Variants in ARHGEF7 observed in about 807,000 individuals in gnomAD.
ARHGEF7 encodes Rho guanine nucleotide exchange factor 7.
In ARHGEF7, 33 loss-of-function variants were observed where a neutral mutation model predicts 109.8. The observed-to-expected ratio is 0.30, with a 90% CI of 0.23 to 0.40. The LOEUF is 0.40. Ranked by LOEUF, ARHGEF7 falls within the 10% of genes least tolerant of loss-of-function variation. The probability of loss-of-function intolerance (pLI) is 1.00; values close to 1 mark genes in which losing one functional copy is unlikely to be tolerated. For missense variants in ARHGEF7, 938 were observed against 1,098.5 expected, an observed-to-expected ratio of 0.85 and a Z score of 2.07; for synonymous variants, 458 against 424.6, an observed-to-expected ratio of 1.08 and a Z score of -0.97.
chr13:111,297,095 T>C (rs771542175), intron 19 of ARHGEF7, among the ~76,000 whole-genome samples: 3 of 152,258 alleles, frequency 2.0e-5, no homozygotes, highest in Non-Finnish European at 4.4e-5. Flanking sequence ...TTAAATCTGC[T>C]TTCTAAAACA....
rs566931503 is a variant in ARHGEF7 at position 111,289,612 on chromosome 13, G to C, written c.2134+1169G>C. Among the ~76,000 whole-genome samples, 17 of 152,080 alleles carry C rather than the reference G, an allele frequency of 1.1e-4. 1 individual carries two copies. The South Asian group carries it at 2.5e-3, about 22-fold the overall frequency. On this transcript the variant is annotated intron_variant, in intron 18 of 21. Coordinates refer to ENST00000646102, the MANE Select transcript of ARHGEF7 (RefSeq NM_001354046.2). ...GACTGTCACTTAATCTCACTTGCTC[G>C]TTTTGTTAATCACCTGCAGTGTGGT... is the stretch of plus-strand genomic sequence containing the variant.
chr13:111,216,818 T>C (rs1013817109), intron 4 of ARHGEF7, among the ~76,000 whole-genome samples: 21 of 152,202 alleles, frequency 1.4e-4, no homozygotes, highest in Admixed American at 9.8e-4. Context: ...GGCTGTGCGC[T>C]TTGGTAGTTC....
intron 2 of ARHGEF7, among the ~76,000 whole-genome samples, chr13:111,201,019 G>T (rs543879704): frequency 9.9e-5 from 15 of 152,028 alleles, no homozygotes; most frequent in Non-Finnish European, 2.2e-4. Context: ...ATGAAGTTCG[G>T]CCTTCAATTA....
At chr13:111,251,783 C>T (rs1004161288) in intron 8 of ARHGEF7, among the ~76,000 whole-genome samples, 4 of 152,202 alleles carry the variant, frequency 2.6e-5, no homozygotes, top group African/African-American at 9.6e-5. Context: ...CTTTCACATA[C>T]ACTCATGCCT....
At chr13:111,291,952 A>G (rs910141289) in intron 18 of ARHGEF7, among the ~76,000 whole-genome samples, 166 bp from the exon 19 acceptor site, 4 of 152,244 alleles carry the variant, frequency 2.6e-5, no homozygotes, top group African/African-American at 9.6e-5. Context: ...ACCCAGCCGT[A>G]TATAAGGAAA....
At chr13:111,190,084 G>C (rs1322081233) in intron 2 of ARHGEF7, among the ~76,000 whole-genome samples, 1 of 152,156 alleles carries the variant, frequency 6.6e-6, no homozygotes, top group African/African-American at 2.4e-5. Context: ...CTAGTGAAAG[G>C]GCCAGTGGGT....
Position 111,283,151 on chromosome 13 carries a change from C to G in ARHGEF7, c.1738C>G (p.Pro580Ala), listed in dbSNP as rs1365991702. 1.9e-6 allele frequency: 3 copies of G among 1,588,594 alleles called. No individual in the cohort carries two copies. In the Admixed American group the frequency reaches 5.4e-5, roughly 28 times the overall value. The change falls in exon 16 of 22, where the codon CCG becomes GCG. Residue 580 changes from proline (P) to alanine (A), a missense_variant. Transcript: ENST00000646102. ...SVPSHTLPSH[P>A]VTPSSKHADS... ...GTGCCCTTGGCAGCTCCCCTCCCAC[C>G]CGGTCACTCCGTCCAGCAAGCACGC... is the stretch of plus-strand genomic sequence containing the variant.
Position 111,266,831 on chromosome 13 carries a change from C to T in ARHGEF7, c.951-717C>T, listed in dbSNP as rs755207556. The T allele has an allele frequency of 2.6e-5, 12 of 455,914 alleles. No individual in the cohort carries two copies. The highest frequency in any genetic ancestry group is 1.1e-4 in the South Asian group (7 of 64,554). The allele number at this position is 455,914 out of a possible 1,614,324, so 28.2% of individuals were successfully genotyped here. ...ACGTGGTTCTCCTGTTTTCAGCACA[C>T]GTGCCCCTGCTCCGGGTTGTTGCTG... On this transcript the variant is annotated intron_variant, in intron 8 of 21. Transcript: ENST00000646102. The surrounding 1 kb of genome is among the most constrained non-coding windows in gnomAD (Gnocchi z 4.8).
intron 4 of ARHGEF7, among the ~76,000 whole-genome samples, chr13:111,216,312 G>A (rs1460762156): frequency 6.6e-6 from 1 of 152,108 alleles, no homozygotes; most frequent in Non-Finnish European, 1.5e-5. Flanking sequence ...GTGGTAGAGC[G>A]GGGGCTGTAT....
At chr13:111,177,958 T>C (rs1395755223) in intron 2 of ARHGEF7, among the ~76,000 whole-genome samples, 1 of 152,200 alleles carries the variant, frequency 6.6e-6, no homozygotes, top group African/African-American at 2.4e-5. Context: ...CCGAGAACCC[T>C]GGAATAGCTC....
rs2091649453 is a variant in ARHGEF7, at chr13:111,266,470, GT to G, written c.951-1074del. Among the ~76,000 whole-genome samples, 1 of 152,000 alleles carries G rather than the reference GT, an allele frequency of 6.6e-6. No homozygotes were observed. Among genetic ancestry groups the G allele is most frequent in the South Asian group, 2.1e-4 (1 of 4,822 alleles). ...TGATTGACTTCTGCTTATATTTTTG[GT>G]TTTCTGTATCATGAACTTTTATTCT... is the stretch of plus-strand genomic sequence containing the variant. On this transcript the variant is annotated intron_variant, in intron 8 of 21. Transcript: ENST00000646102. This position sits in a 1 kb window ranked among gnomAD's most constrained non-coding sequence, Gnocchi z 4.8.
At chr13:111,149,250 A>G (rs1297695758) in intron 1 of ARHGEF7, among the ~76,000 whole-genome samples, 2 of 152,136 alleles carry the variant, frequency 1.3e-5, no homozygotes, top group African/African-American at 4.8e-5. Context: ...ATCTCTGAAA[A>G]AAAAAAAGAA....
At chr13:111,267,428 G>T in intron 8 of ARHGEF7, 120 bp from the exon 9 acceptor site, 1 of 1,361,640 alleles carries the variant, frequency 7.3e-7, no homozygotes, top group South Asian at 1.3e-5. Context: ...GGGGCCTCTG[G>T]TTTTCACAGA....
intron 1 of ARHGEF7, among the ~76,000 whole-genome samples, chr13:111,117,232 T>C (rs148116642): frequency 2.6e-4 from 39 of 152,382 alleles, no homozygotes; most frequent in African/African-American, 8.7e-4. Context: ...TTTGGCATAT[T>C]AACTGTATTA....
chr13:111,221,551 CTATA>C (rs1312286681), intron 5 of ARHGEF7, among the ~76,000 whole-genome samples: 9 of 58,720 alleles, frequency 1.5e-4, no homozygotes, highest in Non-Finnish European at 2.8e-4. Context: ...AGATACATAT[CTATA>C]TATCTATATA....
At chr13:111,155,847 G>C (rs2076276376) in intron 2 of ARHGEF7, among the ~76,000 whole-genome samples, 4 of 152,096 alleles carry the variant, frequency 2.6e-5, no homozygotes, top group Admixed American at 2.0e-4. Flanking sequence ...AGGCCGAGGC[G>C]GGTGGATCAC....
In ARHGEF7 at chr13:111,141,352, C is replaced by A. The variant is rs1027891327; in HGVS notation, c.166-12553C>A. On this transcript the variant is annotated intron_variant, in intron 1 of 21. Transcript: ENST00000646102. ...TGGCAACTGTTGATCTTTTTACCGT[C>A]CCCATGTTTTTTTTTTTTAAATTAC... Among the ~76,000 whole-genome samples the A allele has an allele frequency of 2.8e-5, 4 of 141,652 alleles. No homozygotes were observed. The South Asian group carries it at 6.7e-4, about 24-fold the overall frequency. The allele number at this position is 141,652 out of a possible 152,430, so 92.9% of individuals were successfully genotyped here.
chr13:111,182,646 T>A (rs2078873695), intron 2 of ARHGEF7: 1 of 152,276 alleles, frequency 6.6e-6, no homozygotes, highest in Non-Finnish European at 1.5e-5. Flanking sequence ...CCACCTTCCA[T>A]CTCAGCGTGG....
chr13:111,251,730 C>T (rs577715330), intron 8 of ARHGEF7, among the ~76,000 whole-genome samples: 5 of 152,288 alleles, frequency 3.3e-5, no homozygotes, highest in African/African-American at 9.6e-5. Flanking sequence ...TTGTAGGCAG[C>T]GTCTTCTCCC....
Sources: gnomAD v4.1 joint callset for allele counts (sites outside exome capture counted in the v4.1 genomes callset) on GRCh38, gnomAD v4.1.1 for gene constraint, Gnocchi (gnomAD v3.1) non-coding constraint, MANE v1.5 for transcripts, NCBI Gene and HGNC (gene_info 2026-07-23, HGNC 2026-07-21) for gene names.